CPNE4: variants seen among roughly 807,000 people sequenced by gnomAD.
CPNE4 encodes the protein copine-4.
CPNE4 carries 25 observed loss-of-function variants against 67.9 expected under a neutral mutation model. That is an observed-to-expected ratio of 0.37 (90% CI 0.27 to 0.51). The LOEUF (loss-of-function observed/expected upper bound fraction) is 0.51, where lower values mean the gene tolerates loss of function less well. CPNE4 is among the 20% of genes least tolerant of loss of function. The probability of loss-of-function intolerance (pLI) is 0.93; values close to 1 mark genes in which losing one functional copy is unlikely to be tolerated. For synonymous variants in CPNE4, 242 were observed against 244.9 expected (o/e 0.99, Z 0.11); for missense variants, 464 against 690.8 (o/e 0.67, Z 3.68).
chr3:131,538,343 C>T (rs1426246630), intron 15 of CPNE4, among the ~76,000 whole-genome samples: 5 of 152,186 alleles, frequency 3.3e-5, no homozygotes, highest in Non-Finnish European at 5.9e-5. Flanking sequence ...TGGTTAGTGG[C>T]TACCATATTG....
At chr3:131,622,301 C>T (rs1276384101) in intron 7 of CPNE4, among the ~76,000 whole-genome samples, 1 of 152,170 alleles carries the variant, frequency 6.6e-6, no homozygotes, top group African/African-American at 2.4e-5. Flanking sequence ...TAATCCCCTG[C>T]TGTAAACATG....
intron 7 of CPNE4, among the ~76,000 whole-genome samples, chr3:131,611,774 G>T (rs926325805): frequency 6.6e-6 from 1 of 151,752 alleles, no homozygotes; most frequent in African/African-American, 2.4e-5. Context: ...GCACTCTCCT[G>T]CAATAGTTTC....
intron 8 of CPNE4, 95 bp from the exon 9 acceptor site, chr3:131,581,760 C>A (rs561740906): frequency 1.1e-5 from 9 of 826,472 alleles, no homozygotes; most frequent in Admixed American, 1.1e-4. Context: ...ACAAACTGAA[C>A]TGGAGGGCTG....
At chr3:131,720,549 G>T (rs2107740820) in intron 3 of CPNE4, among the ~76,000 whole-genome samples, 1 of 152,298 alleles carries the variant, frequency 6.6e-6, no homozygotes, top group South Asian at 2.1e-4. Context: ...TTCCCAAAGT[G>T]CTGGGATTAC....
intron 3 of CPNE4, among the ~76,000 whole-genome samples, chr3:131,717,929 T>G (rs1455984656): frequency 6.8e-6 from 1 of 146,574 alleles, no homozygotes; most frequent in African/African-American, 2.5e-5. Flanking sequence ...TTTCTTTCTT[T>G]CTTTCTTTCT....
At chr3:131,591,766 T>C (rs1938544794) in intron 7 of CPNE4, among the ~76,000 whole-genome samples, 1 of 152,214 alleles carries the variant, frequency 6.6e-6, no homozygotes, top group African/African-American at 2.4e-5. Flanking sequence ...ACACTGTCTT[T>C]CCTTCTCTCC....
chr3:131,550,360 C>T (rs1480186469), intron 13 of CPNE4, among the ~76,000 whole-genome samples: 1 of 152,066 alleles, frequency 6.6e-6, no homozygotes, highest in Non-Finnish European at 1.5e-5. Flanking sequence ...CTCCTCATAG[C>T]ATAATGAAAT....
At chr3:131,965,388 T>C (rs1560695888) in intron 1 of CPNE4, among the ~76,000 whole-genome samples, 1 of 152,156 alleles carries the variant, frequency 6.6e-6, no homozygotes, top group Non-Finnish European at 1.5e-5. Context: ...TAACCTTAAA[T>C]GTAAATGGGC....
At chr3:132,035,275 G>A (rs1240018267), upstream of CPNE4, 1 of 155,348 alleles carries the variant, frequency 6.4e-6, no homozygotes, top group Non-Finnish European at 1.4e-5. Context: ...CTCTAGGGTG[G>A]AGCGGTCGTA....
chr3:131,915,904 G>T lies in CPNE4; in HGVS notation c.-1-10460C>A, dbSNP rs554060889. ...TCTCCAGAAAGTAACTATGTTTATT[G>T]CATCACATTTATATTAACTTTATAG... On this transcript the variant is annotated intron_variant, in intron 1 of 15. Transcript: ENST00000429747. 5.3e-5 allele frequency among the ~76,000 whole-genome samples: 8 copies of T among 152,242 alleles called. No homozygotes were observed. In the South Asian group the frequency reaches 1.2e-3, roughly 24 times the overall value.
At chr3:131,770,287 C>T (rs187258426) in intron 2 of CPNE4, among the ~76,000 whole-genome samples, 1 of 152,208 alleles carries the variant, frequency 6.6e-6, no homozygotes, top group Non-Finnish European at 1.5e-5. Flanking sequence ...GACAGACACC[C>T]CTTCTGAGAA....
intron 1 of CPNE4, among the ~76,000 whole-genome samples, chr3:131,924,498 A>G (rs993906815): frequency 1.3e-5 from 2 of 152,206 alleles, no homozygotes; most frequent in Admixed American, 1.3e-4. Context: ...CAGTGGTTCC[A>G]AAACTTTGCT....
chr3:132,005,186 C>T (rs1229828902), intron 1 of CPNE4, among the ~76,000 whole-genome samples: 5 of 151,588 alleles, frequency 3.3e-5, no homozygotes, highest in Middle Eastern at 3.4e-3. Flanking sequence ...CCACTCATAC[C>T]AGAGGACAAT....
At chr3:131,947,452 G>A (rs1034325190) in intron 1 of CPNE4, among the ~76,000 whole-genome samples, 1 of 151,720 alleles carries the variant, frequency 6.6e-6, no homozygotes, top group African/African-American at 2.4e-5. Context: ...TGTTCTCATC[G>A]TTCAACTCTC....
At chr3:131,903,614 G>C (rs1454488109) in intron 2 of CPNE4, among the ~76,000 whole-genome samples, 3 of 152,048 alleles carry the variant, frequency 2.0e-5, no homozygotes, top group African/African-American at 7.2e-5. Flanking sequence ...TTAAATATTA[G>C]CTTTTCCACT....
chr3:131,775,624 G>T, intron 2 of CPNE4, among the ~76,000 whole-genome samples: 1 of 152,108 alleles, frequency 6.6e-6, no homozygotes, highest in African/African-American at 2.4e-5. Flanking sequence ...CCCCGCACAA[G>T]TTCTCTTCTC....
chr3:131,849,040 A>G (rs111900007), intron 2 of CPNE4, among the ~76,000 whole-genome samples: 1,842 of 151,412 alleles, frequency 0.012, 31 homozygotes, highest in African/African-American at 0.042. Flanking sequence ...AAGTTGGTAC[A>G]GAAAATACAT....
At chr3:131,751,374 AT>A (rs796354685) in intron 2 of CPNE4, among the ~76,000 whole-genome samples, 17 of 151,948 alleles carry the variant, frequency 1.1e-4, no homozygotes, top group African/African-American at 3.9e-4. Flanking sequence ...AGGTATTTCT[AT>A]TGTTCTATCT....
chr3:132,005,330 TATATATATATATACAC>T (rs1397499763), intron 1 of CPNE4, among the ~76,000 whole-genome samples: 1 of 28,368 alleles, frequency 3.5e-5, no homozygotes, highest in African/African-American at 6.2e-5. Context: ...TATATATATA[TATATATATATATACAC>T]ACACACACAC....
Sources: allele counts gnomAD v4.1 joint callset (sites outside exome capture counted in the v4.1 genomes callset), GRCh38; gene constraint gnomAD v4.1.1; transcripts MANE v1.5; gene names NCBI Gene and HGNC (gene_info 2026-07-23, HGNC 2026-07-21).